Variants in DOCK4 observed in about 807,000 individuals in gnomAD.
DOCK4 encodes the protein dedicator of cytokinesis protein 4.
DOCK4 carries 97 observed loss-of-function variants against 268.1 expected under a neutral mutation model. The ratio of observed to expected loss-of-function variants is 0.36; its 90% CI spans 0.31 to 0.43. The LOEUF is 0.43. DOCK4 is among the 20% of genes least tolerant of loss of function. The probability of loss-of-function intolerance (pLI) is 1.00; values close to 1 mark genes in which losing one functional copy is unlikely to be tolerated. For missense variants in DOCK4, 2,145 were observed against 2,455.7 expected (o/e 0.87, Z 2.67); for synonymous variants, 954 against 887.2 (o/e 1.08, Z -1.34).
At chr7:112,099,064 C>T (rs535546730) in intron 1 of DOCK4, among the ~76,000 whole-genome samples, 9 of 151,894 alleles carry the variant, frequency 5.9e-5, no homozygotes, top group Non-Finnish European at 1.2e-4. Flanking sequence ...CCTAGGTGGG[C>T]GGATGGCTTG....
intron 7 of DOCK4, among the ~76,000 whole-genome samples, chr7:111,977,553 T>C (rs1416446803): frequency 1.3e-5 from 2 of 152,192 alleles, no homozygotes; most frequent in Admixed American, 6.5e-5. Flanking sequence ...CTGTGAAGTT[T>C]ATAGATTATC....
At chr7:111,993,279 C>T (rs1012521549) in intron 5 of DOCK4, among the ~76,000 whole-genome samples, 3 of 152,162 alleles carry the variant, frequency 2.0e-5, no homozygotes, top group East Asian at 1.9e-4. Context: ...GATAAGCACA[C>T]GTTTGTATTT....
chr7:112,045,351 A>C (rs544041938), intron 1 of DOCK4, among the ~76,000 whole-genome samples: 1 of 152,054 alleles, frequency 6.6e-6, no homozygotes, highest in African/African-American at 2.4e-5. Flanking sequence ...GACAAGCTCC[A>C]TTTTCTTACT....
In DOCK4 at chr7:111,860,595, CTCT is replaced by C. The variant is rs201208771; in HGVS notation, c.2473+2774_2473+2776del. Among the ~76,000 whole-genome samples, 817 of 152,198 alleles carry C rather than the reference CTCT, an allele frequency of 5.4e-3. 9 individuals are homozygous for C. The highest frequency in any genetic ancestry group is 0.018 in the African/African-American group (759 of 41,532). On this transcript the variant is annotated intron_variant, in intron 23 of 52. Transcript: ENST00000428084. ...ACACAACATGAGCAGACAGGGTTTC[CTCT>C]TCTTCTCTTCCTTTTCCACGCCACC...
chr7:112,162,511 TTCTCTC>T lies in DOCK4; in HGVS notation c.37+43585_37+43590del, dbSNP rs10551859. On this transcript the variant is annotated intron_variant, in intron 1 of 52. Transcript: ENST00000428084. The stretch of plus-strand genomic sequence containing the variant: ...AGAGAGTGTCTGTCTGTCTCTTTCT[TTCTCTC>T]TCTCTCTCTCTCTCTCTCTCCCCCC... Among the ~76,000 whole-genome samples, 648 of 140,676 alleles carry T rather than the reference TTCTCTC, an allele frequency of 4.6e-3. 9 individuals carry two copies. The highest frequency in any genetic ancestry group is 0.015 in the African/African-American group (584 of 39,288). The allele number at this position is 140,676 out of a possible 152,430, so 92.3% of individuals were successfully genotyped here.
chr7:111,827,420 C>T (rs550194882), intron 26 of DOCK4, among the ~76,000 whole-genome samples: 10 of 152,252 alleles, frequency 6.6e-5, no homozygotes, highest in African/African-American at 2.4e-4. Context: ...GTGCTTAGGA[C>T]ACCAAGACAT....
At chr7:112,052,026 T>G (rs1426554239) in intron 1 of DOCK4, among the ~76,000 whole-genome samples, 1 of 152,144 alleles carries the variant, frequency 6.6e-6, no homozygotes, top group East Asian at 1.9e-4. Flanking sequence ...GTTCCTTATA[T>G]AAAATGGTAT....
At position 111,887,673 on chromosome 7, in the gene DOCK4, G is replaced by A. The variant is rs2134328614; in HGVS notation, c.1587+7939C>T. ...AGTTGAGCAATGAGGATGTGAGGAA[G>A]CAGAGGCAATGAGGGAAGACAGACA... On this transcript the variant is annotated intron_variant, in intron 16 of 52. Transcript: ENST00000428084. Among the ~76,000 whole-genome samples, 2 of 152,066 alleles carry A rather than the reference G, an allele frequency of 1.3e-5. 1 individual carries two copies. Among genetic ancestry groups the A allele is most frequent in the Middle Eastern group, 6.8e-3 (2 of 294 alleles).
intron 1 of DOCK4, among the ~76,000 whole-genome samples, chr7:112,101,907 A>G (rs1284253381): frequency 6.7e-6 from 1 of 149,496 alleles, no homozygotes; most frequent in Non-Finnish European, 1.5e-5. Context: ...CAGTGGCGCG[A>G]TCTCGGCTTA....
intron 1 of DOCK4, among the ~76,000 whole-genome samples, chr7:112,049,800 A>C (rs530349580): frequency 1.4e-4 from 21 of 152,334 alleles, no homozygotes; most frequent in Middle Eastern, 3.4e-3. Context: ...GGGACCTACC[A>C]ATCCTAAATA....
intron 1 of DOCK4, among the ~76,000 whole-genome samples, chr7:112,177,987 C>A (rs1003628360): frequency 1.1e-4 from 16 of 152,216 alleles, no homozygotes; most frequent in African/African-American, 3.9e-4. Context: ...TTCTTGATGA[C>A]AGTACCATGG....
At chr7:111,864,081 T>G (rs1209324105) in intron 22 of DOCK4, among the ~76,000 whole-genome samples, 2 of 152,212 alleles carry the variant, frequency 1.3e-5, no homozygotes, top group Non-Finnish European at 2.9e-5. Flanking sequence ...CCAATAACTC[T>G]GTGACTTTGG....
At chr7:111,892,449 G>A (rs552016891) in intron 16 of DOCK4, among the ~76,000 whole-genome samples, 1 of 152,176 alleles carries the variant, frequency 6.6e-6, no homozygotes, top group Non-Finnish European at 1.5e-5. Context: ...TGATCCACCA[G>A]CCTTGGCCTC....
intron 1 of DOCK4, among the ~76,000 whole-genome samples, chr7:112,166,934 G>A (rs766621018): frequency 7.9e-5 from 12 of 152,006 alleles, no homozygotes; most frequent in Non-Finnish European, 1.5e-4. Context: ...CAGAGTAGCT[G>A]AGAATATGTG....
chr7:111,812,013 A>T (rs1356982314), intron 27 of DOCK4, 64 bp from the exon 28 acceptor site: 2 of 838,044 alleles, frequency 2.4e-6, no homozygotes, highest in African/African-American at 3.5e-5. Context: ...AGTATACAAG[A>T]ATAAAAACCT....
intron 5 of DOCK4, 104 bp from the exon 6 acceptor site, chr7:111,989,267 T>C: frequency 6.8e-7 from 1 of 1,462,748 alleles, no homozygotes; most frequent in Non-Finnish European, 9.3e-7. Flanking sequence ...ACCCACTATG[T>C]GCTTGCCACT....
intron 1 of DOCK4, among the ~76,000 whole-genome samples, chr7:112,024,456 A>G (rs907731611): frequency 6.6e-6 from 1 of 152,174 alleles, no homozygotes; most frequent in African/African-American, 2.4e-5. Context: ...TAAATGGCCA[A>G]TGCATTCCCG....
At chr7:111,870,525 T>C (rs1806334586) in intron 20 of DOCK4, among the ~76,000 whole-genome samples, 2 of 152,088 alleles carry the variant, frequency 1.3e-5, no homozygotes, top group Admixed American at 1.3e-4. Context: ...TTTCACCATG[T>C]TGGTCAGGCT....
At position 111,809,825 on chromosome 7, in the gene DOCK4, C is replaced by T. The variant is rs1043199337; in HGVS notation, c.3007-424G>A. On this transcript the variant is annotated intron_variant, in intron 28 of 52. Coordinates refer to ENST00000428084, the MANE Select transcript of DOCK4 (RefSeq NM_001363540.2). ...AGTTCATTTTTGGAACTCCTTTTAA[C>T]GTAGAACTTGTAAAAAATGCATACA... 9.2e-5 allele frequency among the ~76,000 whole-genome samples: 14 copies of T among 152,192 alleles called. No homozygotes were observed. In the South Asian group the frequency reaches 1.9e-3, roughly 20 times the overall value.
Sources: gnomAD v4.1 joint callset for allele counts (sites outside exome capture counted in the v4.1 genomes callset) on GRCh38, gnomAD v4.1.1 for gene constraint, MANE v1.5 for transcripts, NCBI Gene and HGNC (gene_info 2026-07-23, HGNC 2026-07-21) for gene names.